BBOX1: variants seen among roughly 807,000 people sequenced by gnomAD.
The protein encoded by BBOX1 is gamma-butyrobetaine hydroxylase 1.
A neutral mutation model predicts 41.6 loss-of-function variants in BBOX1; 35 were observed. That is an observed-to-expected ratio of 0.84 (90% CI 0.64 to 1.11). The LOEUF (loss-of-function observed/expected upper bound fraction) is 1.11, where lower values mean the gene tolerates loss of function less well. Ranked by LOEUF, BBOX1 falls within the 50% of genes most tolerant of loss-of-function variation. The pLI, the probability that BBOX1 is intolerant of heterozygous loss-of-function variation, is 0.00. For missense variants in BBOX1, 458 were observed against 460.6 expected, an observed-to-expected ratio of 0.99 and a Z score of 0.05; for synonymous variants, 163 against 154.7, an observed-to-expected ratio of 1.05 and a Z score of -0.40.
intron 4 of BBOX1, among the ~76,000 whole-genome samples, chr11:27,090,280 A>G (rs1328652198): frequency 1.3e-5 from 2 of 151,864 alleles, no homozygotes; most frequent in Admixed American, 6.6e-5. Context: ...AGAAATAGAG[A>G]GACGGTACAA....
At chr11:27,069,252 C>G (rs1045410757) in intron 4 of BBOX1, among the ~76,000 whole-genome samples, 1 of 152,094 alleles carries the variant, frequency 6.6e-6, no homozygotes, top group Non-Finnish European at 1.5e-5. Context: ...CGTATGATTT[C>G]TTTCAGCAAT....
chr11:27,112,102 G>A (rs1232699877), intron 5 of BBOX1, among the ~76,000 whole-genome samples: 1 of 151,952 alleles, frequency 6.6e-6, no homozygotes, highest in East Asian at 1.9e-4. Context: ...TGCACCATGA[G>A]TATGTACTCA....
intron 4 of BBOX1, among the ~76,000 whole-genome samples, chr11:27,082,804 T>G (rs1389273369): frequency 6.6e-6 from 1 of 152,194 alleles, no homozygotes; most frequent in Non-Finnish European, 1.5e-5. Flanking sequence ...CTGCCATTTA[T>G]GGTTTCTTTA....
intron 5 of BBOX1, among the ~76,000 whole-genome samples, chr11:27,103,330 G>C (rs1039042242): frequency 1.3e-5 from 2 of 152,102 alleles, no homozygotes; most frequent in African/African-American, 2.4e-5. Flanking sequence ...TTAGGGAACA[G>C]CTTTAAATTT....
chr11:27,077,228 T>C (rs1158106456), intron 4 of BBOX1, among the ~76,000 whole-genome samples: 1 of 152,100 alleles, frequency 6.6e-6, no homozygotes, highest in African/African-American at 2.4e-5. Context: ...ATGGCTTCCC[T>C]CCATCCATGC....
intron 4 of BBOX1, among the ~76,000 whole-genome samples, chr11:27,080,046 A>G (rs1247498418): frequency 6.6e-6 from 1 of 152,108 alleles, no homozygotes; most frequent in Non-Finnish European, 1.5e-5. Flanking sequence ...CTTTTTAAAA[A>G]ATGCTTTAAA....
intron 2 of BBOX1, among the ~76,000 whole-genome samples, chr11:27,043,510 A>G (rs1336837934): frequency 6.7e-6 from 1 of 148,156 alleles, no homozygotes; most frequent in Non-Finnish European, 1.5e-5. Flanking sequence ...TGCACCTATC[A>G]ACGCGTCATC....
chr11:27,069,791 T>C (rs77435126), intron 4 of BBOX1, among the ~76,000 whole-genome samples: 8,239 of 152,182 alleles, frequency 0.054, 331 homozygotes, highest in Non-Finnish European at 0.076. Context: ...ATTCACCTCC[T>C]AGCATTTTGA....
At chr11:27,045,564 G>T (rs915889090) in intron 2 of BBOX1, among the ~76,000 whole-genome samples, 1 of 152,072 alleles carries the variant, frequency 6.6e-6, no homozygotes, top group Non-Finnish European at 1.5e-5. Context: ...TTGGCTGTGG[G>T]TTTGTCATAA....
intron 5 of BBOX1, 99 bp from the exon 6 acceptor site, chr11:27,115,353 G>A (rs1002304039): frequency 1.6e-5 from 15 of 944,430 alleles, no homozygotes; most frequent in Non-Finnish European, 2.2e-5. Context: ...TTCAAAAAAT[G>A]AAAAGTTTCC....
At chr11:27,075,246 T>C (rs1294794544) in intron 4 of BBOX1, among the ~76,000 whole-genome samples, 1 of 152,196 alleles carries the variant, frequency 6.6e-6, no homozygotes, top group Non-Finnish European at 1.5e-5. Flanking sequence ...AGTTTCTCAT[T>C]ATAGTCTTTG....
intron 2 of BBOX1, among the ~76,000 whole-genome samples, chr11:27,054,237 G>GCA (rs1554935080): frequency 6.6e-6 from 1 of 151,104 alleles, no homozygotes; most frequent in Non-Finnish European, 1.5e-5. Context: ...GTGTGTGTGC[G>GCA]TGCACATGTG....
intron 4 of BBOX1, among the ~76,000 whole-genome samples, chr11:27,089,315 G>A (rs1233326283): frequency 1.3e-5 from 2 of 151,770 alleles, no homozygotes; most frequent in African/African-American, 4.8e-5. Context: ...TTCCATTATT[G>A]CAGAAAGCCC....
At chr11:27,081,262 GGCTGAAAAGTTA>G (rs777049293) in intron 4 of BBOX1, among the ~76,000 whole-genome samples, 14 of 152,116 alleles carry the variant, frequency 9.2e-5, no homozygotes, top group South Asian at 2.1e-4. Flanking sequence ...TGTTCTGGCA[GGCTGAAAAGTTA>G]GTATGAGTCA....
chr11:27,092,768 AT>A (rs145937475), intron 4 of BBOX1, among the ~76,000 whole-genome samples: 4,993 of 152,034 alleles, frequency 0.033, 125 homozygotes, highest in South Asian at 0.11. Flanking sequence ...CTAATCTACC[AT>A]TTTGATTTTA....
intron 4 of BBOX1, among the ~76,000 whole-genome samples, chr11:27,091,137 A>G (rs1030358535): frequency 6.6e-6 from 1 of 151,940 alleles, no homozygotes; most frequent in African/African-American, 2.4e-5. Context: ...ATGTCCATGA[A>G]ATCTTCACAA....
intron 4 of BBOX1, among the ~76,000 whole-genome samples, chr11:27,091,431 T>C (rs56281997): frequency 0.14 from 20,905 of 151,822 alleles, 4,747 homozygotes; most frequent in African/African-American, 0.47. Context: ...GAAATACCAA[T>C]AAACTGTATC....
intron 5 of BBOX1, among the ~76,000 whole-genome samples, chr11:27,103,039 A>C (rs1230628965): frequency 1.3e-5 from 2 of 151,990 alleles, no homozygotes; most frequent in Admixed American, 1.3e-4. Flanking sequence ...AAATACAAAA[A>C]AATAGCTGAG....
At position 27,124,573 on chromosome 11, in the gene BBOX1, C is replaced by T. The variant is rs1550618; in HGVS notation, c.837-1081C>T. ...TATTCTGTTTTCCATGCTGGAGTGT[C>T]GTGGTGCGATCTCCGCTCACTGCAA... On this transcript the variant is annotated intron_variant, in intron 7 of 8. Transcript: ENST00000263182. 4.6e-3 allele frequency among the ~76,000 whole-genome samples: 704 copies of T among 152,146 alleles called. 7 individuals carry two copies. Among genetic ancestry groups the T allele is most frequent in the African/African-American group, 0.016 (667 of 41,520 alleles).
Sources: gnomAD v4.1 joint callset for allele counts (sites outside exome capture counted in the v4.1 genomes callset) on GRCh38, gnomAD v4.1.1 for gene constraint, MANE v1.5 for transcripts, NCBI Gene and HGNC (gene_info 2026-07-23, HGNC 2026-07-21) for gene names.